The following C9orf85 variants were observed in gnomAD, a reference collection of about 807,000 sequenced individuals.
C9orf85 encodes the protein chromosome 9 open reading frame 85, also known as uncharacterized protein C9orf85.
In C9orf85, 16 loss-of-function variants were observed where a neutral mutation model predicts 14.9. That is an observed-to-expected ratio of 1.08 (90% CI 0.73 to 1.63). The LOEUF is 1.63. Among genes scored for constraint, C9orf85 ranks in the 40% most tolerant of loss-of-function variants. C9orf85 has a pLI of 0.00. For missense variants in C9orf85, 172 were observed against 186.1 expected, an observed-to-expected ratio of 0.92 and a Z score of 0.44; for synonymous variants, 45 against 56.8, an observed-to-expected ratio of 0.79 and a Z score of 0.93.
Position 71,927,697 on chromosome 9 carries a change from TAA to T in C9orf85, c.102+15862_102+15863del, listed in dbSNP as rs1299718052. Among the ~76,000 whole-genome samples, 5 of 152,350 alleles carry T rather than the reference TAA, an allele frequency of 3.3e-5. No individual in the cohort carries two copies. The East Asian group carries it at 7.7e-4, about 23-fold the overall frequency. On this transcript the variant is annotated intron_variant, in intron 1 of 3. Transcript: ENST00000334731. Reference sequence around the variant, plus strand: ...ATAGTAAGCAATCTAGTAATATTACTAAGACCTTCTTATGATAAAAAGCTTAA... The same window carrying T: ...ATAGTAAGCAATCTAGTAATATTACTGACCTTCTTATGATAAAAAGCTTAA...
chr9:71,956,728 C>T (rs1469484519), intron 2 of C9orf85, among the ~76,000 whole-genome samples: 1 of 151,900 alleles, frequency 6.6e-6, no homozygotes, highest in Non-Finnish European at 1.5e-5. Flanking sequence ...GCAAATATTT[C>T]AAAACCTGGG....
Position 71,949,073 on chromosome 9 carries a change from C to T in C9orf85, c.209+1961C>T, listed in dbSNP as rs1466279875. Among the ~76,000 whole-genome samples, 6 of 152,298 alleles carry T rather than the reference C, an allele frequency of 3.9e-5. No homozygotes were observed. The East Asian group carries it at 1.2e-3, about 29-fold the overall frequency. On this transcript the variant is annotated intron_variant, in intron 2 of 3. Transcript: ENST00000334731. The stretch of plus-strand genomic sequence containing the variant: ...TCATGTAGTTTTAGTTAATAGGCCT[C>T]ATACAAGATTTGTAGCTTTCTGAAT...
chr9:71,914,166 C>T (rs1003222254), intron 1 of C9orf85, among the ~76,000 whole-genome samples: 1 of 152,150 alleles, frequency 6.6e-6, no homozygotes, highest in Non-Finnish European at 1.5e-5. Context: ...CACTGGAAAG[C>T]TATTTGATCT....
intron 1 of C9orf85, among the ~76,000 whole-genome samples, chr9:71,946,328 G>A (rs1822084208): frequency 6.6e-6 from 1 of 152,094 alleles, no homozygotes; most frequent in Admixed American, 6.5e-5. Flanking sequence ...CAACTCACGG[G>A]GAGGATTTGA....
At chr9:71,942,772 G>A (rs575867117) in intron 1 of C9orf85, among the ~76,000 whole-genome samples, 6 of 152,152 alleles carry the variant, frequency 3.9e-5, no homozygotes, top group African/African-American at 9.6e-5. Context: ...GCATGGTGGC[G>A]TGTGCCTGTA....
At chr9:71,962,422 C>T (rs1822543573) in intron 2 of C9orf85, among the ~76,000 whole-genome samples, 1 of 152,172 alleles carries the variant, frequency 6.6e-6, no homozygotes, top group Non-Finnish European at 1.5e-5. Context: ...GACTTAGAGC[C>T]ATTGCAGGAA....
At chr9:71,962,462 T>TG (rs1822544628) in intron 2 of C9orf85, among the ~76,000 whole-genome samples, 1 of 152,230 alleles carries the variant, frequency 6.6e-6, no homozygotes, top group Non-Finnish European at 1.5e-5. Context: ...TCAGCAATGT[T>TG]GCGTTTCTGT....
intron 2 of C9orf85, among the ~76,000 whole-genome samples, chr9:71,957,122 T>A (rs530887378): frequency 3.6e-4 from 55 of 152,282 alleles, no homozygotes; most frequent in African/African-American, 1.3e-3. Flanking sequence ...CAAGACTGAC[T>A]TTCTATAGTT....
intron 2 of C9orf85, among the ~76,000 whole-genome samples, chr9:71,966,982 G>T (rs1822709182): frequency 6.6e-6 from 1 of 152,162 alleles, no homozygotes; most frequent in African/African-American, 2.4e-5. Flanking sequence ...AGCTTTGCTG[G>T]CCGTTTGTAA....
At chr9:71,942,121 G>A (rs746547822) in intron 1 of C9orf85, among the ~76,000 whole-genome samples, 5 of 152,214 alleles carry the variant, frequency 3.3e-5, no homozygotes, top group African/African-American at 9.6e-5. Context: ...CAGATCCTAT[G>A]ACTATCAGGG....
chr9:71,968,799 G>A (rs571049803), intron 2 of C9orf85, among the ~76,000 whole-genome samples: 3 of 152,152 alleles, frequency 2.0e-5, no homozygotes, highest in East Asian at 1.9e-4. Flanking sequence ...TATCCCTGAC[G>A]CAGGTAGCCT....
Position 71,911,667 on chromosome 9 carries a change from A to G in C9orf85, c.-68A>G. 7 of 1,285,922 alleles carry G rather than the reference A, an allele frequency of 5.4e-6. No homozygotes were observed. Among genetic ancestry groups the G allele is most frequent in the East Asian group, 2.3e-5 (1 of 43,422 alleles). The allele number at this position is 1,285,922 out of a possible 1,614,324, so 79.7% of individuals were successfully genotyped here. A position where few individuals can be genotyped will look rare whatever the true frequency, so the allele number is the denominator to read the frequency against. The stretch of plus-strand genomic sequence containing the variant: ...GACAGAAGCGTCAATTCCTGGGAGT[A>G]GTTCGTTGGTTTTCTTTCCCCTCAT... On this transcript the variant is annotated 5_prime_UTR_variant, in exon 1 of 4. Coordinates refer to ENST00000334731, the MANE Select transcript of C9orf85 (RefSeq NM_182505.5).
downstream of C9orf85, chr9:71,983,475 G>A (rs1823144502): frequency 6.6e-6 from 1 of 152,158 alleles, no homozygotes. Context: ...TTTTCTCGCT[G>A]TCTGTAATGT....
chr9:71,975,915 T>C (rs1189396477), downstream of C9orf85, among the ~76,000 whole-genome samples: 1 of 152,228 alleles, frequency 6.6e-6, no homozygotes, highest in Non-Finnish European at 1.5e-5. Flanking sequence ...ATTTAACTTT[T>C]GTGATTAAGG....
intron 1 of C9orf85, among the ~76,000 whole-genome samples, chr9:71,922,174 C>T (rs567652520): frequency 4.4e-4 from 67 of 152,106 alleles, no homozygotes; most frequent in African/African-American, 1.5e-3. Flanking sequence ...CTTCTGACCT[C>T]GTGATCCACC....
chr9:71,934,393 A>G (rs1828140368), intron 1 of C9orf85, among the ~76,000 whole-genome samples: 2 of 152,322 alleles, frequency 1.3e-5, no homozygotes, highest in Admixed American at 6.5e-5. Flanking sequence ...TGAGCTGCCC[A>G]GTTCTCTTTG....
At chr9:71,927,031 AG>A (rs1827946345) in intron 1 of C9orf85, among the ~76,000 whole-genome samples, 2 of 152,110 alleles carry the variant, frequency 1.3e-5, no homozygotes, top group Admixed American at 6.5e-5. Context: ...TATCATGGTG[AG>A]GTTGGTAAAC....
Position 71,911,711 on chromosome 9 carries a change from C to A in C9orf85, c.-24C>A, listed in dbSNP as rs901545097. 3 of 1,604,616 alleles carry A rather than the reference C, an allele frequency of 1.9e-6. No homozygotes were observed. Among genetic ancestry groups the A allele is most frequent in the Non-Finnish European group, 2.6e-6 (3 of 1,171,518 alleles). On this transcript the variant is annotated 5_prime_UTR_variant, in exon 1 of 4. Transcript: ENST00000334731. ...CCCTCATCCTTTTGCCTGCTCCCGGCGAGGGGTGGCTTTGATTTCGGCGAT... is the reference window on the plus strand; with the variant it reads ...CCCTCATCCTTTTGCCTGCTCCCGGAGAGGGGTGGCTTTGATTTCGGCGAT...
intron 1 of C9orf85, among the ~76,000 whole-genome samples, chr9:71,933,058 A>C (rs1243677847): frequency 6.6e-6 from 1 of 152,214 alleles, no homozygotes; most frequent in Non-Finnish European, 1.5e-5. Flanking sequence ...GGACAATGGA[A>C]ATTGTCAAGT....
Sources: gnomAD v4.1 joint callset for allele counts (sites outside exome capture counted in the v4.1 genomes callset) on GRCh38, gnomAD v4.1.1 for gene constraint, MANE v1.5 for transcripts, NCBI Gene and HGNC (gene_info 2026-07-23, HGNC 2026-07-21) for gene names.